The following TBC1D31 variants were observed in gnomAD, a reference collection of about 807,000 sequenced individuals.
The protein encoded by TBC1D31 is WD repeat domain 67.
In TBC1D31, 99 loss-of-function variants were observed where a neutral mutation model predicts 132.9. The ratio of observed to expected loss-of-function variants is 0.74; its 90% CI spans 0.63 to 0.88. The LOEUF is 0.88. Among genes scored for constraint, TBC1D31 ranks in the 40% least tolerant of loss-of-function variants. TBC1D31 has a pLI of 0.00. For missense variants in TBC1D31, 1,134 were observed against 1,256.6 expected (o/e 0.90, Z 1.48); for synonymous variants, 385 against 419.4 (o/e 0.92, Z 1.00).
chr8:123,119,862 A>G (rs1819304337), intron 10 of TBC1D31, among the ~76,000 whole-genome samples, 193 bp from the exon 11 acceptor site: 1 of 152,270 alleles, frequency 6.6e-6, no homozygotes, highest in African/African-American at 2.4e-5. Flanking sequence ...AACAATTTTT[A>G]TAATATACTA....
chr8:123,141,844 CTTTTTTTTTTTTT>C (rs1160750679), intron 18 of TBC1D31, among the ~76,000 whole-genome samples: 7 of 52,040 alleles, frequency 1.3e-4, no homozygotes, highest in South Asian at 8.3e-4. Flanking sequence ...TTGAAGAGCT[CTTTTTTTTTTTTT>C]TTTTTTTTTT....
Position 123,144,832 on chromosome 8 carries a change from A to G in TBC1D31, c.2951A>G (p.His984Arg). 1 of 1,612,816 alleles carries G rather than the reference A, an allele frequency of 6.2e-7. No individual in the cohort carries two copies. Among genetic ancestry groups the G allele is most frequent in the East Asian group, 2.2e-5 (1 of 44,860 alleles). ...CAAGAGATAAATGCGGCTGTAGAAC[A>G]TGCTGAAAATCCATGTCATAAAGGT... is the stretch of plus-strand genomic sequence containing the variant. ...LKQEINAAVE[H>R]AENPCHKEEP... The change falls in exon 20 of 22, where the codon CAT becomes CGT. Residue 984 changes from histidine (H) to arginine (R), a missense_variant. His to Arg is a conservative substitution (Grantham distance 29). Coordinates refer to ENST00000287380, the MANE Select transcript of TBC1D31 (RefSeq NM_145647.4).
At chr8:123,112,903 T>A (rs767647209) in intron 10 of TBC1D31, among the ~76,000 whole-genome samples, 1 of 152,212 alleles carries the variant, frequency 6.6e-6, no homozygotes, top group Non-Finnish European at 1.5e-5. Context: ...AACATCACAG[T>A]TCAGACGTTT....
rs371305216 is a variant in TBC1D31, at chr8:123,126,654, T to C, written c.1851T>C (p.Pro617=). 6.2e-7 allele frequency: 1 copy of C among 1,613,674 alleles called. No homozygotes were observed. Among genetic ancestry groups the C allele is most frequent in the Non-Finnish European group, 8.5e-7 (1 of 1,179,828 alleles). The change falls in exon 13 of 22, where the codon CCT becomes CCC. Residue 617 remains proline, a synonymous_variant. Transcript: ENST00000287380. ...VVAYNICSRT[P]LLSCNLKDDF... is the part of the protein sequence containing the mutation. ...CCTACAACATATGTTCTAGAACGCC[T>C]CTGCTCAGCTGTAATCTTAAAGATG...
chr8:123,142,488 C>G, intron 19 of TBC1D31, 32 bp downstream of exon 19: 1 of 1,362,476 alleles, frequency 7.3e-7, no homozygotes, highest in Non-Finnish European at 9.7e-7. Flanking sequence ...TTTTTAATAT[C>G]AAGCATTGAT....
chr8:123,077,286 C>A (rs13254600), intron 2 of TBC1D31, 29 bp downstream of exon 2: 464,907 of 1,555,800 alleles, frequency 0.3, 71,857 homozygotes, highest in Non-Finnish European at 0.32. Flanking sequence ...TATCTACGTT[C>A]TTTAACAAGT....
At chr8:123,099,206 G>A (rs60127324) in intron 6 of TBC1D31, among the ~76,000 whole-genome samples, 15 of 151,906 alleles carry the variant, frequency 9.9e-5, no homozygotes, top group African/African-American at 2.9e-4. Flanking sequence ...TGCAAGCTCC[G>A]CCTCCCAGGT....
Position 123,140,821 on chromosome 8 carries a change from A to T in TBC1D31, c.2560A>T (p.Arg854Ter), listed in dbSNP as rs768008578. 6 of 1,613,670 alleles carry T rather than the reference A, an allele frequency of 3.7e-6. No individual in the cohort carries two copies. In the South Asian group the frequency reaches 6.6e-5, roughly 18 times the overall value. Reference protein sequence around the residue: ...KEMRADADAYRRKVDLEEHMF... With the variant: ...KEMRADADAY Reference sequence around the variant, plus strand: ...AATGCGAGCAGATGCAGATGCCTATAGACGAAAAGTGGATCTTGAAGAACA... The same window carrying T: ...AATGCGAGCAGATGCAGATGCCTATTGACGAAAAGTGGATCTTGAAGAACA... Residue 854 changes from arginine to a stop codon, truncating the protein, a stop_gained, in exon 18 of 22, where the codon AGA (arginine) becomes TGA (stop). Transcript: ENST00000287380. LOFTEE classifies it high-confidence loss of function.
At chr8:123,104,351 T>C (rs1312311820) in intron 7 of TBC1D31, 2 of 152,192 alleles carry the variant, frequency 1.3e-5, no homozygotes, top group African/African-American at 4.8e-5. Context: ...ACACAGGCTG[T>C]GGCTTACCTT....
chr8:123,133,982 C>G, intron 16 of TBC1D31, 132 bp from the exon 17 acceptor site: 1 of 558,378 alleles, frequency 1.8e-6, no homozygotes, highest in Non-Finnish European at 3.2e-6. Context: ...GTCTGTTACT[C>G]TGGTTTCAAA....
intron 16 of TBC1D31, among the ~76,000 whole-genome samples, chr8:123,133,900 T>C (rs550558928): frequency 1.1e-3 from 164 of 152,314 alleles, no homozygotes; most frequent in African/African-American, 3.1e-3. Context: ...GGTATTGTGC[T>C]TTTTATTTTT....
Position 123,076,935 on chromosome 8 carries a change from A to T in TBC1D31, c.78-176A>T, listed in dbSNP as rs549649084. Among the ~76,000 whole-genome samples the T allele has an allele frequency of 3.3e-5, 5 of 152,344 alleles. No individual in the cohort carries two copies. The South Asian group carries it at 1.0e-3, about 32-fold the overall frequency. On this transcript the variant is annotated intron_variant, in intron 1 of 21. Transcript: ENST00000287380. Reference sequence around the variant, plus strand: ...AACAGTAGCTATTTTGATAATGAGTAGCTTCTGACCTGTTTTTCTGAAATC... The same window carrying T: ...AACAGTAGCTATTTTGATAATGAGTTGCTTCTGACCTGTTTTTCTGAAATC...
chr8:123,146,988 CA>C (rs1017297593), intron 20 of TBC1D31, among the ~76,000 whole-genome samples: 3 of 152,072 alleles, frequency 2.0e-5, no homozygotes, highest in African/African-American at 7.2e-5. Context: ...CTCTTAAAAC[CA>C]CTCATTACCG....
At chr8:123,139,966 C>G (rs73339633) in intron 17 of TBC1D31, among the ~76,000 whole-genome samples, 41 of 152,318 alleles carry the variant, frequency 2.7e-4, no homozygotes, top group African/African-American at 9.9e-4. Context: ...CCAGACAGGT[C>G]AAACAGTGAC....
At chr8:123,136,758 G>C (rs1414910560) in intron 17 of TBC1D31, among the ~76,000 whole-genome samples, 1 of 151,990 alleles carries the variant, frequency 6.6e-6, no homozygotes, top group Non-Finnish European at 1.5e-5. Flanking sequence ...CCTATGCTGA[G>C]TTTTTTTTCT....
intron 6 of TBC1D31, 121 bp downstream of exon 6, chr8:123,097,562 A>G (rs560982478): frequency 4.1e-5 from 50 of 1,206,942 alleles, no homozygotes; most frequent in Admixed American, 2.6e-4. Context: ...GAAATTACAA[A>G]TATGTTATTT....
At chr8:123,091,602 A>T (rs535559366) in intron 4 of TBC1D31, among the ~76,000 whole-genome samples, 4 of 152,280 alleles carry the variant, frequency 2.6e-5, no homozygotes, top group African/African-American at 9.6e-5. Flanking sequence ...TATCTGATGT[A>T]GTTGAGTTCG....
chr8:123,140,873 G>A lies in TBC1D31; in HGVS notation c.2612G>A (p.Gly871Asp). The A allele has an allele frequency of 6.2e-7, 1 of 1,613,696 alleles. No homozygotes were observed. The change falls in exon 18 of 22, where the codon GGT becomes GAT. Residue 871 changes from glycine to aspartate, a missense_variant. Transcript: ENST00000287380. ...ATGTTTCATAAGCTGATAGAAGCAG[G>A]TGAAACCCAGAGCCAGAAAACTCAG... ...EHMFHKLIEA[G>D]ETQSQKTQKV...
intron 1 of TBC1D31, among the ~76,000 whole-genome samples, chr8:123,073,843 G>T (rs905626604): frequency 6.6e-6 from 1 of 150,442 alleles, no homozygotes; most frequent in African/African-American, 2.5e-5. Flanking sequence ...GCGCCACTAC[G>T]CCCGGCTAAT....
Sources: allele counts gnomAD v4.1 joint callset (sites outside exome capture counted in the v4.1 genomes callset), GRCh38; gene constraint gnomAD v4.1.1; transcripts MANE v1.5; gene names NCBI Gene and HGNC (gene_info 2026-07-23, HGNC 2026-07-21).